MACF1: variants seen among roughly 807,000 people sequenced by gnomAD.
MACF1 encodes microtubule-actin cross-linking factor 1.
Under a neutral mutation model 854.8 loss-of-function variants are expected in MACF1, and 193 were observed. The observed-to-expected ratio is 0.23, with a 90% confidence interval of 0.20 to 0.25. The LOEUF is 0.25. Among genes scored for constraint, MACF1 ranks in the 10% least tolerant of loss-of-function variants. MACF1 has a pLI of 1.00. For synonymous variants in MACF1, 3,185 were observed against 3,226.7 expected, an observed-to-expected ratio of 0.99 and a Z score of 0.44; for missense variants, 7,722 against 8,929.1, an observed-to-expected ratio of 0.86 and a Z score of 5.45.
At chr1:39,430,586 G>A (rs865858699) in intron 65 of MACF1, 116 bp from the exon 66 acceptor site, 2 of 748,104 alleles carry the variant, frequency 2.7e-6, no homozygotes, top group African/African-American at 1.8e-5. Flanking sequence ...ATAACTGAAG[G>A]AAGGAGGTCA....
At chr1:39,117,233 G>C (rs74069440) in intron 2 of MACF1, among the ~76,000 whole-genome samples, 1 of 151,470 alleles carries the variant, frequency 6.6e-6, no homozygotes, top group Admixed American at 6.6e-5. Context: ...TACTTGCTTG[G>C]TTTTTTTTCA....
At chr1:39,320,347 T>C (rs893308683) in intron 31 of MACF1, among the ~76,000 whole-genome samples, 1 of 152,118 alleles carries the variant, frequency 6.6e-6, no homozygotes, top group Non-Finnish European at 1.5e-5. Flanking sequence ...TTAGAACATA[T>C]TGCATGTCAC....
intron 6 of MACF1, among the ~76,000 whole-genome samples, chr1:39,267,396 A>C (rs1392313283): frequency 1.3e-5 from 2 of 152,120 alleles, no homozygotes; most frequent in Non-Finnish European, 2.9e-5. Context: ...GTGCCCAGCT[A>C]ATTTTTTGTA....
chr1:39,334,600 A>G lies in MACF1; in HGVS notation c.8012A>G (p.Gln2671Arg). The change falls in exon 37 of 101, where the codon CAG becomes CGG. Residue 2671 changes from glutamine to arginine, a missense_variant. Physicochemically the swap from Gln to Arg is conservative, Grantham distance 43 (BLOSUM62 1). Around this residue, in one of 15 missense-constraint regions of MACF1, gnomAD observed 1,531 missense variants for 1,601.6 expected, o/e 0.96. Coordinates refer to ENST00000564288, the MANE Select transcript of MACF1 (RefSeq NM_001394062.1). The part of the protein sequence containing the change: ...DKVLTLSQAI[Q>R]LGKVDFASTL... ...GTGCTTACATTGTCTCAAGCAATTC[A>G]GCTTGGAAAAGTAGACTTTGCATCT... 1 of 1,614,176 alleles carries G rather than the reference A, an allele frequency of 6.2e-7. No homozygotes were observed. The highest frequency in any genetic ancestry group is 8.5e-7 in the Non-Finnish European group (1 of 1,180,014).
At chr1:39,267,845 A>C (rs1246701048) in intron 6 of MACF1, among the ~76,000 whole-genome samples, 2 of 152,216 alleles carry the variant, frequency 1.3e-5, no homozygotes, top group Non-Finnish European at 2.9e-5. Flanking sequence ...TGGCTGGCAG[A>C]ATTAACAGAT....
At chr1:39,107,779 G>T (rs888300013) in intron 2 of MACF1, among the ~76,000 whole-genome samples, 1 of 152,116 alleles carries the variant, frequency 6.6e-6, no homozygotes, top group Non-Finnish European at 1.5e-5. Context: ...GATGATGGTG[G>T]GGTGTTCTAG....
At chr1:39,315,893 A>G (rs1248175273) in intron 27 of MACF1, among the ~76,000 whole-genome samples, 1 of 152,212 alleles carries the variant, frequency 6.6e-6, no homozygotes, top group Non-Finnish European at 1.5e-5. Flanking sequence ...CAGTGATATG[A>G]AAGGGGAATT....
chr1:39,158,029 C>G (rs1571113387), intron 2 of MACF1, among the ~76,000 whole-genome samples: 1 of 152,130 alleles, frequency 6.6e-6, no homozygotes, highest in Non-Finnish European at 1.5e-5. Flanking sequence ...GAGTTCCTTA[C>G]AACAAAGATG....
At position 39,485,992 on chromosome 1, in the gene MACF1, G is replaced by T. The variant is rs1246460447; in HGVS notation, c.*198G>T. The T allele has an allele frequency of 2.1e-6, 1 of 471,306 alleles. No homozygotes were observed. The highest frequency in any genetic ancestry group is 4.3e-5 in the Admixed American group (1 of 23,386). The allele number at this position is 471,306 out of a possible 1,614,324, so 29.2% of individuals were successfully genotyped here. A position where few individuals can be genotyped will look rare whatever the true frequency, so the allele number is the denominator to read the frequency against. ...TTATGTAGATAAAATTTGCCTCCTG[G>T]TAACCCTGTAATGGATGGGGCCCAG... On this transcript the variant is annotated 3_prime_UTR_variant, in exon 101 of 101. Coordinates refer to ENST00000564288, the MANE Select transcript of MACF1 (RefSeq NM_001394062.1).
At chr1:39,153,835 C>G (rs1281934253) in intron 2 of MACF1, among the ~76,000 whole-genome samples, 1 of 152,178 alleles carries the variant, frequency 6.6e-6, no homozygotes, top group Non-Finnish European at 1.5e-5. Context: ...ACCAGAAGGA[C>G]AAGGTGTAAT....
At chr1:39,356,148 A>G (rs1647543865) in intron 44 of MACF1, among the ~76,000 whole-genome samples, 1 of 152,214 alleles carries the variant, frequency 6.6e-6, no homozygotes, top group African/African-American at 2.4e-5. Flanking sequence ...ATGTTTCAAA[A>G]CAAAAACTCA....
At chr1:39,378,842 G>C (rs952585820) in intron 53 of MACF1, among the ~76,000 whole-genome samples, 2 of 152,172 alleles carry the variant, frequency 1.3e-5, no homozygotes, top group Non-Finnish European at 2.9e-5. Context: ...CTAGCTCTCA[G>C]CCTCCCAGCT....
intron 40 of MACF1, among the ~76,000 whole-genome samples, chr1:39,346,413 A>G (rs1191542462): frequency 1.3e-5 from 2 of 152,198 alleles, no homozygotes; most frequent in Admixed American, 6.5e-5. Flanking sequence ...TAATTATGCT[A>G]GCATAAATAA....
chr1:39,401,894 T>A (rs1194343794), intron 58 of MACF1, among the ~76,000 whole-genome samples: 3 of 152,316 alleles, frequency 2.0e-5, no homozygotes, highest in African/African-American at 7.2e-5. Context: ...CTCTGTATTA[T>A]TTATTCTGCC....
At chr1:39,230,599 C>T (rs1272007226) in intron 1 of MACF1, among the ~76,000 whole-genome samples, 1 of 151,230 alleles carries the variant, frequency 6.6e-6, no homozygotes, top group Non-Finnish European at 1.5e-5. Flanking sequence ...AAAAAAAAAC[C>T]TGGAGAAAAA....
intron 20 of MACF1, 129 bp from the exon 21 acceptor site, chr1:39,297,491 A>G: frequency 9.1e-7 from 1 of 1,095,884 alleles, no homozygotes; most frequent in Non-Finnish European, 1.3e-6. Flanking sequence ...CTTGTAATAA[A>G]CTGTCACTAA....
chr1:39,315,649 A>G lies in MACF1; in HGVS notation c.3407A>G (p.Lys1136Arg), dbSNP rs151139850. The change falls in exon 27 of 101, where the codon AAG becomes AGG. Residue 1136 changes from lysine (K) to arginine (R), a missense_variant. Physicochemically the swap from Lys to Arg is conservative, Grantham distance 26. Around this residue, in one of 15 missense-constraint regions of MACF1, gnomAD observed 1,137 missense variants for 1,263.0 expected, o/e 0.90. Coordinates refer to ENST00000564288, the MANE Select transcript of MACF1 (RefSeq NM_001394062.1). Reference sequence around the variant, plus strand: ...TCAGAACTGAATCTGCTGGTGGAGAAGATGGACCATGTCTATGGTCTCTCT... The same window carrying G: ...TCAGAACTGAATCTGCTGGTGGAGAGGATGGACCATGTCTATGGTCTCTCT... ...LRSELNLLVE[K>R]MDHVYGLSTV... 863 of 1,614,152 alleles carry G rather than the reference A, an allele frequency of 5.3e-4. 4 individuals are homozygous for G. In the Middle Eastern group the frequency reaches 7.6e-3, roughly 14 times the overall value.
At chr1:39,107,925 C>T (rs1477603874) in intron 2 of MACF1, among the ~76,000 whole-genome samples, 1 of 152,094 alleles carries the variant, frequency 6.6e-6, no homozygotes, top group Non-Finnish European at 1.5e-5. Flanking sequence ...CTAAACTGCC[C>T]CTAGGGCCAA....
chr1:39,170,580 G>T (rs1444841390), intron 2 of MACF1, among the ~76,000 whole-genome samples: 1 of 152,162 alleles, frequency 6.6e-6, no homozygotes, highest in African/African-American at 2.4e-5. Flanking sequence ...AGAAGAGGGA[G>T]AATTTAGAAA....
Sources: gnomAD v4.1 joint callset for allele counts (sites outside exome capture counted in the v4.1 genomes callset) on GRCh38, gnomAD v4.1.1 for gene constraint, gnomAD v4.1.1 regional missense constraint, MANE v1.5 for transcripts, NCBI Gene and HGNC (gene_info 2026-07-23, HGNC 2026-07-21) for gene names.